The following TCERG1 variants were observed in gnomAD, a reference collection of about 807,000 sequenced individuals.
TCERG1 encodes transcription elongation regulator 1.
Under a neutral mutation model 144.7 loss-of-function variants are expected in TCERG1, and 37 were observed. That is an observed-to-expected ratio of 0.26 (90% confidence interval 0.20 to 0.34). The LOEUF is 0.34. TCERG1 is among the 10% of genes least tolerant of loss of function. The probability of loss-of-function intolerance (pLI) is 1.00; values close to 1 mark genes in which losing one functional copy is unlikely to be tolerated. For missense variants in TCERG1, 1,027 were observed against 1,380.7 expected (o/e 0.74, Z 4.06); for synonymous variants, 492 against 458.2 (o/e 1.07, Z -0.94).
In TCERG1 at chr5:146,463,546, A is replaced by G. The variant is rs777173012; in HGVS notation, c.893-5A>G. 3 of 1,614,046 alleles carry G rather than the reference A, an allele frequency of 1.9e-6. No individual in the cohort carries two copies. The South Asian group carries it at 3.3e-5, about 18-fold the overall frequency. On this transcript the variant is annotated splice_region_variant and splice_polypyrimidine_tract_variant and intron_variant, in intron 4 of 22. Transcript: ENST00000679501. ...GATACATGTTTTTGTTTTATCTTTT[A>G]TCAGCACCCACAACACAAGATCAGA...
At chr5:146,452,381 AAAT>A (rs1398328757) in intron 1 of TCERG1, among the ~76,000 whole-genome samples, 2 of 152,156 alleles carry the variant, frequency 1.3e-5, no homozygotes, top group Non-Finnish European at 2.9e-5. Flanking sequence ...GGAATTGTAA[AAAT>A]AATTTTTTTA....
intron 17 of TCERG1, among the ~76,000 whole-genome samples, chr5:146,501,030 T>C (rs1767387795): frequency 6.6e-6 from 1 of 151,550 alleles, no homozygotes; most frequent in African/African-American, 2.4e-5. Context: ...GAAAAAAAAG[T>C]CTACTTATTT....
intron 17 of TCERG1, among the ~76,000 whole-genome samples, chr5:146,502,257 G>A (rs1430838928): frequency 6.6e-6 from 1 of 152,110 alleles, no homozygotes; most frequent in African/African-American, 2.4e-5. Flanking sequence ...CTAGGCAGAA[G>A]GAATGATTCA....
At chr5:146,462,799 C>A (rs1172704865) in intron 4 of TCERG1, among the ~76,000 whole-genome samples, 1 of 152,086 alleles carries the variant, frequency 6.6e-6, no homozygotes, top group Non-Finnish European at 1.5e-5. Context: ...CATACAGGAA[C>A]CTTTAGTTTG....
chr5:146,477,190 A>G (rs1431993565), intron 9 of TCERG1, among the ~76,000 whole-genome samples: 1 of 149,832 alleles, frequency 6.7e-6, no homozygotes, highest in Non-Finnish European at 1.5e-5. Flanking sequence ...TTTTTTTTGT[A>G]GTTTATATTT....
At chr5:146,493,075 T>G (rs781614603) in intron 16 of TCERG1, 37 bp downstream of exon 16, 1 of 1,376,416 alleles carries the variant, frequency 7.3e-7, no homozygotes, top group Non-Finnish European at 1.0e-6. Context: ...CAAAGTGTAT[T>G]TATTTTCTCC....
At chr5:146,484,248 C>T (rs1382629921) in intron 15 of TCERG1, among the ~76,000 whole-genome samples, 2 of 152,126 alleles carry the variant, frequency 1.3e-5, no homozygotes, top group African/African-American at 2.4e-5. Context: ...TTAAGGGTCC[C>T]TGTTGAATTA....
In TCERG1 at chr5:146,510,796, T is replaced by C. The variant is rs1293751939; in HGVS notation, c.*154T>C. ...TGAACAGTTTCTGAACAGAACACTT[T>C]GGAAATATTTATGCTTTTCTTTGTG... On this transcript the variant is annotated 3_prime_UTR_variant, in exon 23 of 23. Transcript: ENST00000679501. The C allele has an allele frequency of 3.3e-6, 2 of 609,692 alleles. No individual in the cohort carries two copies. 37.8% of individuals were successfully genotyped at this position (609,692 alleles called of 1,614,324 possible).
chr5:146,448,836 G>C (rs1273616084), intron 1 of TCERG1, among the ~76,000 whole-genome samples: 1 of 152,064 alleles, frequency 6.6e-6, no homozygotes, highest in Non-Finnish European at 1.5e-5. Flanking sequence ...TCCTGATTTC[G>C]ATCTTAAAGG....
At chr5:146,454,597 GT>G (rs1762664486) in intron 1 of TCERG1, among the ~76,000 whole-genome samples, 2 of 150,962 alleles carry the variant, frequency 1.3e-5, no homozygotes, top group African/African-American at 4.9e-5. Context: ...TTGGTTGTTT[GT>G]TTGTTTGTTT....
Position 146,503,826 on chromosome 5 carries a change from T to A in TCERG1, c.2601T>A (p.Asn867Lys). 2 of 1,585,890 alleles carry A rather than the reference T, an allele frequency of 1.3e-6. No individual in the cohort carries two copies. Among genetic ancestry groups the A allele is most frequent in the Non-Finnish European group, 1.7e-6 (2 of 1,172,572 alleles). ...TAATGTAGTTTTTGCTTTTACAGAA[T>A]TTAGACTCAGAAAAAGAAAAGGAGC... ...FKQYIEKIAK[N>K]LDSEKEKELE... Residue 867 changes from asparagine (N) to lysine (K), a missense_variant and splice_region_variant, in exon 19 of 23, where the codon AAT (asparagine) becomes AAA (lysine). Asn to Lys is a moderately conservative substitution (Grantham distance 94). Transcript: ENST00000679501.
chr5:146,498,145 C>T (rs1767104969), intron 16 of TCERG1, among the ~76,000 whole-genome samples: 1 of 151,974 alleles, frequency 6.6e-6, no homozygotes, highest in Admixed American at 6.6e-5. Context: ...TACTTTTGTC[C>T]AGTTTTATAG....
Position 146,476,444 on chromosome 5 carries a change from T to C in TCERG1, c.1602-2049T>C, listed in dbSNP as rs191334559. ...AATTACTGAAGATAGTTTTTGTTGT[T>C]GCTCTAGGAATGTATAATCAAATTA... is the stretch of plus-strand genomic sequence containing the variant. On this transcript the variant is annotated intron_variant, in intron 9 of 22. Transcript: ENST00000679501. Among the ~76,000 whole-genome samples, 39 of 152,350 alleles carry C rather than the reference T, an allele frequency of 2.6e-4. No individual in the cohort carries two copies. The East Asian group carries it at 5.2e-3, about 20-fold the overall frequency.
At chr5:146,493,882 A>G (rs1033354109) in intron 16 of TCERG1, among the ~76,000 whole-genome samples, 1 of 152,102 alleles carries the variant, frequency 6.6e-6, no homozygotes, top group African/African-American at 2.4e-5. Context: ...GTCGGGTAGC[A>G]TCATGGAGTC....
chr5:146,479,256 C>T (rs374818284), intron 10 of TCERG1, among the ~76,000 whole-genome samples: 10 of 151,940 alleles, frequency 6.6e-5, no homozygotes, highest in African/African-American at 1.7e-4. Flanking sequence ...AACTGTGGCC[C>T]GCAAGTGGTA....
At chr5:146,497,706 T>C (rs2150793665) in intron 16 of TCERG1, among the ~76,000 whole-genome samples, 1 of 152,336 alleles carries the variant, frequency 6.6e-6, no homozygotes, top group Non-Finnish European at 1.5e-5. Context: ...GACTTTATGT[T>C]TTGTTAATGT....
rs192744974 is a variant in TCERG1, at chr5:146,459,287, C to T, written c.842C>T (p.Ser281Phe). The T allele has an allele frequency of 1.9e-6, 3 of 1,614,260 alleles. No homozygotes were observed. Among genetic ancestry groups the T allele is most frequent in the South Asian group, 2.2e-5 (2 of 91,082 alleles). Residue 281 changes from serine to phenylalanine, a missense_variant, in exon 4 of 23, where the codon TCT becomes TTT. Ser to Phe is a radical substitution (Grantham distance 155, BLOSUM62 -2). This residue lies in a region of TCERG1 where 187 missense variants were observed against 169.1 expected (regional missense o/e 1.11). Transcript: ENST00000679501. Reference sequence around the variant, plus strand: ...TCAACATCATCATCCACCCCTTCCTCTACCACTTCTACCACAACAACTGCT... The same window carrying T: ...TCAACATCATCATCCACCCCTTCCTTTACCACTTCTACCACAACAACTGCT... ...STSTSSSTPS[S>F]TTSTTTTATS...
intron 7 of TCERG1, 118 bp from the exon 8 acceptor site, chr5:146,470,518 A>G (rs940456963): frequency 5.0e-6 from 4 of 792,564 alleles, no homozygotes; most frequent in African/African-American, 1.8e-5. Context: ...ATAAGGAAAG[A>G]CATTTTATCT....
intron 19 of TCERG1, 99 bp from the exon 20 acceptor site, chr5:146,506,929 A>G (rs1768056092): frequency 1.0e-6 from 1 of 996,070 alleles, no homozygotes; most frequent in Admixed American, 2.7e-5. Flanking sequence ...TTGATTCCAT[A>G]TCTTGGCTAT....
Sources: allele counts gnomAD v4.1 joint callset (sites outside exome capture counted in the v4.1 genomes callset), GRCh38; gene constraint gnomAD v4.1.1; regional missense constraint gnomAD v4.1.1; transcripts MANE v1.5; gene names NCBI Gene and HGNC (gene_info 2026-07-23, HGNC 2026-07-21).